ZC3H12B: variants seen among roughly 807,000 people sequenced by gnomAD.
ZC3H12B encodes zinc finger CCCH-type containing 12B.
A neutral mutation model predicts 43.9 loss-of-function variants in ZC3H12B; 7 were observed. The ratio of observed to expected loss-of-function variants is 0.16; its 90% CI spans 0.09 to 0.30. The LOEUF (loss-of-function observed/expected upper bound fraction) is 0.30, where lower values mean the gene tolerates loss of function less well. Ranked by LOEUF, ZC3H12B falls within the 10% of genes least tolerant of loss-of-function variation. The pLI is 1.00. For synonymous variants in ZC3H12B, 222 were observed against 241.7 expected (o/e 0.92, Z 0.76); for missense variants, 475 against 670.2 (o/e 0.71, Z 3.22).
the ZC3H12B span, among the ~76,000 whole-genome samples, chrX:65,154,742 A>G: frequency 0.082 from 9,127 of 110,950 alleles, 1,025 homozygotes; most frequent in African/African-American, 0.29. Flanking sequence ...GCTATGAAGG[A>G]GGCTGAGGCA....
chrX:65,378,302 A>G (rs748523323), intron 2 of ZC3H12B, among the ~76,000 whole-genome samples: 1 of 111,840 alleles, frequency 8.9e-6, no homozygotes, highest in East Asian at 2.8e-4. Context: ...AAATTGAAAG[A>G]TTAAAAAGAC....
At chrX:65,301,094 C>A in the ZC3H12B span, among the ~76,000 whole-genome samples, 1 of 111,033 alleles carries the variant, frequency 9.0e-6, no homozygotes, top group Admixed American at 9.6e-5. Flanking sequence ...TGCCCAACAT[C>A]ACTATTGATC....
the ZC3H12B span, among the ~76,000 whole-genome samples, chrX:65,225,133 G>C: frequency 3.6e-5 from 4 of 111,429 alleles, no homozygotes; most frequent in Non-Finnish European, 7.5e-5. Flanking sequence ...CCCCAGTAGG[G>C]GCAGACTGAC....
chrX:65,235,873 C>A, the ZC3H12B span, among the ~76,000 whole-genome samples: 2 of 111,402 alleles, frequency 1.8e-5, no homozygotes, highest in African/African-American at 6.5e-5. Flanking sequence ...GTTCTGGGTT[C>A]TTGTTTCATG....
the ZC3H12B span, among the ~76,000 whole-genome samples, chrX:65,251,059 T>C: frequency 8.9e-6 from 1 of 112,420 alleles, no homozygotes; most frequent in Admixed American, 9.4e-5. Context: ...TCTAGGGTTT[T>C]TATGGTTTTA....
chrX:65,303,780 A>G, the ZC3H12B span, among the ~76,000 whole-genome samples: 2 of 112,632 alleles, frequency 1.8e-5, no homozygotes, highest in Admixed American at 9.4e-5. Context: ...TTAAAAGTCA[A>G]TACTGTTTAC....
At chrX:65,267,327 T>C in the ZC3H12B span, among the ~76,000 whole-genome samples, 3 of 109,381 alleles carry the variant, frequency 2.7e-5, no homozygotes, top group African/African-American at 1.0e-4. Flanking sequence ...ACAAACTTAG[T>C]TTAGAAAAGT....
chrX:65,503,622 A>T lies in ZC3H12B; in HGVS notation c.*413A>T, dbSNP rs2038283. ...TTTTCGTTTCTTTCTTTCTTTCTTTATTTTTTTTTTTTGAGACAGAATCTC... is the reference window on the plus strand; with the variant it reads ...TTTTCGTTTCTTTCTTTCTTTCTTTTTTTTTTTTTTTTGAGACAGAATCTC... On this transcript the variant is annotated 3_prime_UTR_variant, in exon 5 of 5. Transcript: ENST00000338957. The T allele has an allele frequency of 0.24, 24,692 of 104,872 alleles. 7,219 individuals carry two copies. The highest frequency in any genetic ancestry group is 0.82 in the African/African-American group (23,166 of 28,259). 8.6% of individuals were successfully genotyped at this position (104,872 alleles called of 1,213,427 possible).
At chrX:65,070,070 A>G in the ZC3H12B span, among the ~76,000 whole-genome samples, 1 of 105,550 alleles carries the variant, frequency 9.5e-6, no homozygotes, top group African/African-American at 3.5e-5. Flanking sequence ...GCTGTGAATC[A>G]GGGCTTTTTG....
the ZC3H12B span, among the ~76,000 whole-genome samples, chrX:65,105,837 T>A: frequency 5.0e-3 from 558 of 111,037 alleles, 2 homozygotes; most frequent in African/African-American, 0.016. Flanking sequence ...ACTGTATGCC[T>A]AAAGGGTTGC....
chrX:65,485,775 C>A (rs755686042), upstream of ZC3H12B, among the ~76,000 whole-genome samples: 1 of 111,923 alleles, frequency 8.9e-6, no homozygotes, highest in Admixed American at 9.5e-5. Flanking sequence ...CTCTTCCCTG[C>A]CCAGCAAATT....
chrX:65,084,869 A>G, the ZC3H12B span, among the ~76,000 whole-genome samples: 1 of 112,899 alleles, frequency 8.9e-6, no homozygotes, highest in African/African-American at 3.2e-5. Context: ...GTGTCCATCA[A>G]TAGATGAAGG....
At chrX:65,300,701 C>CAG in the ZC3H12B span, among the ~76,000 whole-genome samples, 1 of 111,344 alleles carries the variant, frequency 9.0e-6, no homozygotes, top group African/African-American at 3.3e-5. Flanking sequence ...TATACCACCG[C>CAG]AGCTGATGCT....
In ZC3H12B at chrX:65,428,680, C is replaced by A. The variant is rs762835840; in HGVS notation, n.407+29976C>A. 2.7e-5 allele frequency among the ~76,000 whole-genome samples: 3 copies of A among 112,121 alleles called. No individual in the cohort carries two copies. The South Asian group carries it at 1.1e-3, about 41-fold the overall frequency. On this transcript the variant is annotated intron_variant and non_coding_transcript_variant, in intron 3 of 5. Coordinates refer to the ZC3H12B transcript ENST00000617377. Reference sequence around the variant, plus strand: ...ATTGTTTATCATGACTCTTAGCTTCCAGCATTGGGTTACAACATGTTCCTT... The same window carrying A: ...ATTGTTTATCATGACTCTTAGCTTCAAGCATTGGGTTACAACATGTTCCTT...
chrX:65,088,109 C>T, the ZC3H12B span, among the ~76,000 whole-genome samples: 3 of 111,621 alleles, frequency 2.7e-5, no homozygotes, highest in Non-Finnish European at 3.8e-5. Flanking sequence ...GGGATGGTGA[C>T]GGTGATAGTG....
chrX:65,332,991 A>G, the ZC3H12B span, among the ~76,000 whole-genome samples: 1 of 111,769 alleles, frequency 8.9e-6, no homozygotes, highest in Admixed American at 9.5e-5. Flanking sequence ...ACTCTGTTCC[A>G]TAAGGAATCT....
the ZC3H12B span, among the ~76,000 whole-genome samples, chrX:65,108,222 T>A: frequency 9.0e-6 from 1 of 111,220 alleles, no homozygotes; most frequent in Non-Finnish European, 1.9e-5. Context: ...AGAAAATTTA[T>A]TTTTAAATTT....
the ZC3H12B span, among the ~76,000 whole-genome samples, chrX:65,163,743 C>T: frequency 9.0e-5 from 10 of 111,715 alleles, no homozygotes; most frequent in African/African-American, 2.9e-4. Flanking sequence ...AATGCCTCGC[C>T]CTGCTTCAGC....
chrX:65,152,756 A>G, the ZC3H12B span, among the ~76,000 whole-genome samples: 9 of 111,678 alleles, frequency 8.1e-5, no homozygotes, highest in East Asian at 2.8e-4. Context: ...TGGAACCAAA[A>G]AAGAGCCCGC....
Sources: gnomAD v4.1 joint callset for allele counts (sites outside exome capture counted in the v4.1 genomes callset) on GRCh38, gnomAD v4.1.1 for gene constraint, MANE v1.5 for transcripts, NCBI Gene and HGNC (gene_info 2026-07-23, HGNC 2026-07-21) for gene names.